CD2AP: variants seen among roughly 807,000 people sequenced by gnomAD.
The protein encoded by CD2AP is CD2 associated protein, also known as CD2-associated protein.
CD2AP carries 46 observed loss-of-function variants against 85.1 expected under a neutral mutation model. That is an observed-to-expected ratio of 0.54 (90% CI 0.43 to 0.69). The LOEUF is 0.69. Among genes scored for constraint, CD2AP ranks in the 30% least tolerant of loss-of-function variants. The pLI is 0.00. For missense variants in CD2AP, 769 were observed against 729.5 expected (o/e 1.05, Z -0.62); for synonymous variants, 255 against 252.9 (o/e 1.01, Z -0.08).
At chr6:47,484,929 G>A (rs978086993) in intron 1 of CD2AP, among the ~76,000 whole-genome samples, 1 of 152,106 alleles carries the variant, frequency 6.6e-6, no homozygotes. Context: ...GGTCCCCTAA[G>A]ATTATAATGA....
intron 11 of CD2AP, among the ~76,000 whole-genome samples, chr6:47,587,545 C>T (rs1465538076): frequency 1.3e-5 from 2 of 152,284 alleles, no homozygotes; most frequent in East Asian, 3.9e-4. Context: ...TCCTGGCAAG[C>T]TGTGTCCCAG....
intron 15 of CD2AP, 144 bp from the exon 16 acceptor site, chr6:47,608,979 A>T: frequency 1.7e-6 from 1 of 576,732 alleles, no homozygotes; most frequent in Non-Finnish European, 3.0e-6. Context: ...TGATTTTTCC[A>T]GTTGTGAACA....
At chr6:47,500,547 G>T (rs142044692) in intron 1 of CD2AP, among the ~76,000 whole-genome samples, 8 of 152,266 alleles carry the variant, frequency 5.3e-5, no homozygotes, top group African/African-American at 1.9e-4. Context: ...TTCATGTAAC[G>T]AATCTGAAGG....
At chr6:47,585,253 A>G (rs941715738) in intron 11 of CD2AP, among the ~76,000 whole-genome samples, 14 of 151,618 alleles carry the variant, frequency 9.2e-5, no homozygotes, top group Admixed American at 4.6e-4. Flanking sequence ...CAGTGAGCCG[A>G]TATTGCGCCA....
chr6:47,482,959 A>T (rs1026554943), intron 1 of CD2AP, among the ~76,000 whole-genome samples: 1 of 152,208 alleles, frequency 6.6e-6, no homozygotes, highest in Non-Finnish European at 1.5e-5. Context: ...CATTTGGGTG[A>T]GAATTGGGTG....
intron 4 of CD2AP, among the ~76,000 whole-genome samples, chr6:47,548,569 C>A (rs2114052101): frequency 6.6e-6 from 1 of 152,028 alleles, no homozygotes; most frequent in Non-Finnish European, 1.5e-5. Context: ...TAAAAAATTA[C>A]CAACAACAAC....
chr6:47,488,377 G>T (rs1765621617), intron 1 of CD2AP, among the ~76,000 whole-genome samples: 1 of 152,014 alleles, frequency 6.6e-6, no homozygotes, highest in Non-Finnish European at 1.5e-5. Context: ...ATACTGAGTT[G>T]TTACATATGT....
chr6:47,581,613 G>A (rs1410615477), intron 10 of CD2AP, among the ~76,000 whole-genome samples: 1 of 152,148 alleles, frequency 6.6e-6, no homozygotes, highest in Admixed American at 6.5e-5. Flanking sequence ...CACTAACCAT[G>A]TGTGGCTTTT....
At chr6:47,478,410 C>T (rs1765361258) in intron 1 of CD2AP, among the ~76,000 whole-genome samples, 162 bp downstream of exon 1, 1 of 152,158 alleles carries the variant, frequency 6.6e-6, no homozygotes, top group Non-Finnish European at 1.5e-5. Flanking sequence ...CTGCCTTCCA[C>T]CTTGCTCTTC....
At chr6:47,481,346 G>T (rs1044761956) in intron 1 of CD2AP, among the ~76,000 whole-genome samples, 2 of 151,818 alleles carry the variant, frequency 1.3e-5, no homozygotes, top group African/African-American at 4.8e-5. Context: ...GTGTTTTTTT[G>T]TTTGTTTGTT....
intron 8 of CD2AP, 38 bp downstream of exon 8, chr6:47,577,141 ATT>A: frequency 9.6e-7 from 1 of 1,046,316 alleles, no homozygotes; most frequent in Non-Finnish European, 1.5e-6. Context: ...TGCTTAATTT[ATT>A]TATAGAAATA....
chr6:47,589,565 C>CACACACACACACACATATATATATATAT (rs139814970), intron 11 of CD2AP, among the ~76,000 whole-genome samples: 1 of 120,942 alleles, frequency 8.3e-6, no homozygotes, highest in South Asian at 3.0e-4. Context: ...CACACACACA[C>CACACACACACACACATATATATATATAT]ATATATATAT....
At chr6:47,564,429 G>A (rs992263979) in intron 5 of CD2AP, among the ~76,000 whole-genome samples, 6 of 152,068 alleles carry the variant, frequency 3.9e-5, no homozygotes, top group African/African-American at 1.4e-4. Context: ...TTTGAATTTA[G>A]TTCATTACTT....
intron 2 of CD2AP, among the ~76,000 whole-genome samples, chr6:47,513,434 A>C (rs142381363): frequency 6.6e-6 from 1 of 152,162 alleles, no homozygotes; most frequent in African/African-American, 2.4e-5. Context: ...CCCAAACTGC[A>C]TAGGTTTTTG....
intron 2 of CD2AP, among the ~76,000 whole-genome samples, chr6:47,528,381 G>A (rs369896972): frequency 1.1e-4 from 16 of 152,220 alleles, no homozygotes; most frequent in Non-Finnish European, 1.9e-4. Context: ...TGTCATGTTC[G>A]CCAGGCTTGT....
intron 4 of CD2AP, among the ~76,000 whole-genome samples, chr6:47,547,207 A>T (rs1172998457): frequency 2.6e-5 from 4 of 152,190 alleles, no homozygotes; most frequent in African/African-American, 9.7e-5. Flanking sequence ...GTCAATACTA[A>T]TGTTGAGTGT....
intron 2 of CD2AP, among the ~76,000 whole-genome samples, chr6:47,532,849 A>G (rs1016088115): frequency 4.6e-5 from 7 of 152,174 alleles, no homozygotes; most frequent in African/African-American, 1.2e-4. Flanking sequence ...ATATATTTTT[A>G]TGATACTGAG....
chr6:47,627,076 A>T lies in CD2AP; in HGVS notation c.*2849A>T, dbSNP rs1010283716. The T allele has an allele frequency of 1.3e-5, 2 of 152,410 alleles. No homozygotes were observed. The highest frequency in any genetic ancestry group is 4.8e-5 in the African/African-American group (2 of 41,444). 9.4% of individuals were successfully genotyped at this position (152,410 alleles called of 1,614,324 possible). A position where few individuals can be genotyped will look rare whatever the true frequency, so the allele number is the denominator to read the frequency against. On this transcript the variant is annotated 3_prime_UTR_variant, in exon 18 of 18. Transcript: ENST00000359314. ...GTATATACTTCACTAACTTGTTTAC[A>T]GGTGCTGTATTTAAAAGCATGCTTC...
chr6:47,543,821 A>G (rs148540599), intron 3 of CD2AP, among the ~76,000 whole-genome samples: 1 of 152,330 alleles, frequency 6.6e-6, no homozygotes, highest in African/African-American at 2.4e-5. Flanking sequence ...GTTCCTAGTA[A>G]GTAGATGTGG....
Sources: gnomAD v4.1 joint callset for allele counts (sites outside exome capture counted in the v4.1 genomes callset) on GRCh38, gnomAD v4.1.1 for gene constraint, MANE v1.5 for transcripts, NCBI Gene and HGNC (gene_info 2026-07-23, HGNC 2026-07-21) for gene names.